The following ILDR1 variants were observed in gnomAD, a reference collection of about 807,000 sequenced individuals.
ILDR1 encodes the protein immunoglobulin like domain containing receptor 1.
In ILDR1, 56 loss-of-function variants were observed where a neutral mutation model predicts 62.4. That is an observed-to-expected ratio of 0.90 (90% CI 0.72 to 1.12). ILDR1 has a LOEUF of 1.12. ILDR1 is among the 50% of genes most tolerant of loss of function. The pLI, the probability that ILDR1 is intolerant of heterozygous loss-of-function variation, is 0.00. For synonymous variants in ILDR1, 284 were observed against 277.8 expected, an observed-to-expected ratio of 1.02 and a Z score of -0.22; for missense variants, 736 against 710.6, an observed-to-expected ratio of 1.04 and a Z score of -0.41.
At chr3:122,019,009 T>C (rs996017558) in intron 1 of ILDR1, among the ~76,000 whole-genome samples, 2 of 152,190 alleles carry the variant, frequency 1.3e-5, no homozygotes, top group African/African-American at 4.8e-5. Flanking sequence ...AGAATGATAA[T>C]ACAAGTTGAT....
In ILDR1 at chr3:122,001,344, G is replaced by A. The variant is rs770865084; in HGVS notation, c.610C>T (p.Pro204Ser). 11 of 1,614,038 alleles carry A rather than the reference G, an allele frequency of 6.8e-6. No homozygotes were observed. The highest frequency in any genetic ancestry group is 7.6e-6 in the Non-Finnish European group (9 of 1,180,046). Reference protein sequence around the residue: ...PQYCCCYIRCPCCPAHCCCPE... With the variant: ...PQYCCCYIRCSCCPAHCCCPE... ...CAGCAGCAGTGGGCAGGACAGCAGG[G>A]ACAGCGGATATAGCAGCAGCAATAC... Residue 204 changes from proline (P) to serine (S), a missense_variant, in exon 5 of 8, where the codon CCC becomes TCC. Coordinates refer to ENST00000344209, the MANE Select transcript of ILDR1 (RefSeq NM_001199799.2).
the ILDR1 span, among the ~76,000 whole-genome samples, chr3:122,038,772 T>C: frequency 6.6e-6 from 1 of 152,130 alleles, no homozygotes; most frequent in African/African-American, 2.4e-5. Flanking sequence ...CAGACAGATA[T>C]TTTCAGCAGA....
chr3:122,005,217 T>C, intron 3 of ILDR1, 27 bp downstream of exon 3: 3 of 837,686 alleles, frequency 3.6e-6, no homozygotes, highest in South Asian at 1.4e-5. Flanking sequence ...CCACCCCCAG[T>C]TCCCCTGACA....
At chr3:122,047,150 A>T in the ILDR1 span, among the ~76,000 whole-genome samples, 1 of 148,246 alleles carries the variant, frequency 6.7e-6, no homozygotes, top group Non-Finnish European at 1.5e-5. Flanking sequence ...CAGGACCCTC[A>T]GCTGCAGGTC....
chr3:122,032,558 C>G, the ILDR1 span, among the ~76,000 whole-genome samples: 1 of 152,184 alleles, frequency 6.6e-6, no homozygotes, highest in African/African-American at 2.4e-5. Flanking sequence ...CTTCAACCCT[C>G]CTCCCTTGAA....
At position 121,993,300 on chromosome 3, in the gene ILDR1, C is replaced by T. The variant is rs544136698; in HGVS notation, c.1449G>A (p.Glu483=). The T allele has an allele frequency of 1.9e-5, 30 of 1,612,928 alleles. No homozygotes were observed. The highest frequency in any genetic ancestry group is 4.0e-5 in the African/African-American group (3 of 75,056). ...PSGLSSWSSE[E]DKERQPQSWR... is the part of the protein sequence containing the mutation. ...AGCTCTGGGGCTGCCTCTCCTTGTC[C>T]TCTTCAGAGCTCCAGGAACTGAGGC... The change falls in exon 7 of 8, where the codon GAG becomes GAA. Residue 483 remains glutamate (E), a synonymous_variant. Coordinates refer to ENST00000344209, the MANE Select transcript of ILDR1 (RefSeq NM_001199799.2).
chr3:122,059,609 A>T, the ILDR1 span, among the ~76,000 whole-genome samples: 26 of 152,212 alleles, frequency 1.7e-4, no homozygotes, highest in East Asian at 5.0e-3. Flanking sequence ...TCATGGAAAG[A>T]GCATATTTAC....
At chr3:122,050,382 G>T in the ILDR1 span, among the ~76,000 whole-genome samples, 12 of 151,730 alleles carry the variant, frequency 7.9e-5, no homozygotes, top group Non-Finnish European at 1.8e-4. Flanking sequence ...GATTTTTTAT[G>T]GTGACATGAT....
At chr3:122,055,239 T>C in the ILDR1 span, 1 of 458,092 alleles carries the variant, frequency 2.2e-6, no homozygotes, top group Non-Finnish European at 3.9e-6. Flanking sequence ...TTAATACATA[T>C]AGACCTACGT....
intron 1 of ILDR1, among the ~76,000 whole-genome samples, chr3:122,010,865 A>G (rs1382336863): frequency 6.6e-6 from 1 of 152,222 alleles, no homozygotes; most frequent in Non-Finnish European, 1.5e-5. Flanking sequence ...TCTTTTATAT[A>G]CTAAATGTGA....
intron 1 of ILDR1, among the ~76,000 whole-genome samples, chr3:122,013,055 T>C (rs2071727313): frequency 1.3e-5 from 2 of 152,126 alleles, no homozygotes; most frequent in African/African-American, 4.8e-5. Flanking sequence ...TCAGGTACTT[T>C]CCAAGGCCAG....
rs2071521193 is a variant in ILDR1 at position 122,001,333 on chromosome 3, A to G, written c.621T>C (p.Pro207=). The part of the protein sequence containing the change: ...CCCYIRCPCC[P]AHCCCPEEAL... ...CTTCCTCAGGACAGCAGCAGTGGGC[A>G]GGACAGCAGGGACAGCGGATATAGC... The change falls in exon 5 of 8, where the codon CCT becomes CCC. Residue 207 remains proline, a synonymous_variant. Coordinates refer to ENST00000344209, the MANE Select transcript of ILDR1 (RefSeq NM_001199799.2). 2 of 1,614,194 alleles carry G rather than the reference A, an allele frequency of 1.2e-6. No homozygotes were observed. The highest frequency in any genetic ancestry group is 4.5e-5 in the East Asian group (2 of 44,892).
At chr3:122,031,831 C>T in the ILDR1 span, among the ~76,000 whole-genome samples, 2 of 152,154 alleles carry the variant, frequency 1.3e-5, no homozygotes, top group Admixed American at 6.5e-5. Flanking sequence ...TTTATAGCAG[C>T]CCAAATGCAA....
the ILDR1 span, among the ~76,000 whole-genome samples, chr3:122,039,369 G>A: frequency 6.6e-6 from 1 of 151,786 alleles, no homozygotes; most frequent in Admixed American, 6.6e-5. Context: ...TAGCCAGAGA[G>A]AAAAAGATAT....
At position 121,988,475 on chromosome 3, in the gene ILDR1, C is replaced by A. The variant is rs1244754006; in HGVS notation, c.1600-67G>T. ...GTGCAATCCGTCTATGCATGTAACACATAATGTGCTCTTGATTTACAAATC... is the reference window on the plus strand; with the variant it reads ...GTGCAATCCGTCTATGCATGTAACAAATAATGTGCTCTTGATTTACAAATC... On this transcript the variant is annotated intron_variant, in intron 7 of 7. Transcript: ENST00000344209. The A allele has an allele frequency of 3.2e-6, 4 of 1,259,252 alleles. No homozygotes were observed. In the African/African-American group the frequency reaches 5.9e-5, roughly 19 times the overall value. 78.0% of individuals were successfully genotyped at this position (1,259,252 alleles called of 1,614,324 possible). A position where few individuals can be genotyped will look rare whatever the true frequency, so the allele number is the denominator to read the frequency against.
At chr3:122,047,196 C>G in the ILDR1 span, among the ~76,000 whole-genome samples, 3 of 150,896 alleles carry the variant, frequency 2.0e-5, no homozygotes, top group African/African-American at 7.3e-5. Context: ...TGTCAGTGTG[C>G]CCCTGCTGGG....
At chr3:122,044,842 A>G in the ILDR1 span, among the ~76,000 whole-genome samples, 3 of 151,560 alleles carry the variant, frequency 2.0e-5, no homozygotes, top group African/African-American at 7.3e-5. Context: ...TGGTCTATCA[A>G]TTTTGTTGAT....
rs565747766 is a variant in ILDR1 at position 122,000,471 on chromosome 3, T to C, written c.646+837A>G. 3.9e-5 allele frequency among the ~76,000 whole-genome samples: 6 copies of C among 152,310 alleles called. No individual in the cohort carries two copies. In the South Asian group the frequency reaches 1.2e-3, roughly 32 times the overall value. The stretch of plus-strand genomic sequence containing the variant: ...GAGGGTGGCACACCTGGAGAGGACA[T>C]GGAAGCCCCTCCCCGCTCCCACATA... On this transcript the variant is annotated intron_variant, in intron 5 of 7. Coordinates refer to ENST00000344209, the MANE Select transcript of ILDR1 (RefSeq NM_001199799.2).
chr3:122,011,128 C>T (rs2071696701), intron 1 of ILDR1, among the ~76,000 whole-genome samples: 1 of 152,168 alleles, frequency 6.6e-6, no homozygotes, highest in African/African-American at 2.4e-5. Flanking sequence ...GGTGCAGTCA[C>T]TCTGACACAG....
Sources: gnomAD v4.1 joint callset for allele counts (sites outside exome capture counted in the v4.1 genomes callset) on GRCh38, gnomAD v4.1.1 for gene constraint, MANE v1.5 for transcripts, NCBI Gene and HGNC (gene_info 2026-07-23, HGNC 2026-07-21) for gene names.